ADAMTSL4: variants seen among roughly 807,000 people sequenced by gnomAD.
The protein encoded by ADAMTSL4 is ADAMTS-like protein 4.
A neutral mutation model predicts 122.8 loss-of-function variants in ADAMTSL4; 97 were observed. That is an observed-to-expected ratio of 0.79 (90% CI 0.67 to 0.93). ADAMTSL4 has a LOEUF of 0.93. ADAMTSL4 is among the 40% of genes least tolerant of loss of function. ADAMTSL4 has a pLI of 0.00. For synonymous variants in ADAMTSL4, 592 were observed against 568.0 expected, an observed-to-expected ratio of 1.04 and a Z score of -0.60; for missense variants, 1,408 against 1,453.5, an observed-to-expected ratio of 0.97 and a Z score of 0.51.
intron 8 of ADAMTSL4, chr1:150,555,870 T>C (rs1672048631): frequency 3.4e-6 from 2 of 595,906 alleles, no homozygotes; most frequent in South Asian, 1.9e-5. Context: ...CATGAACACA[T>C]GCACACATGC....
chr1:150,558,764 T>A, intron 15 of ADAMTSL4, 115 bp downstream of exon 15: 1 of 1,578,536 alleles, frequency 6.3e-7, no homozygotes, highest in African/African-American at 1.3e-5. Flanking sequence ...GCTATATGCC[T>A]GACCCTGGGA....
Position 150,554,603 on chromosome 1 carries a change from C to T in ADAMTSL4, c.1234+136C>T, listed in dbSNP as rs948194489. The T allele has an allele frequency of 2.6e-6, 4 of 1,548,982 alleles. No individual in the cohort carries two copies. The highest frequency in any genetic ancestry group is 2.7e-5 in the African/African-American group (2 of 73,028). ...CCCTGCGCCATGCCTTCTTTCTTCTCCCTGGGGCTGGGTCAGGAGACAGCA... is the reference window on the plus strand; with the variant it reads ...CCCTGCGCCATGCCTTCTTTCTTCTTCCTGGGGCTGGGTCAGGAGACAGCA... On this transcript the variant is annotated intron_variant, in intron 7 of 18. Coordinates refer to ENST00000271643, the MANE Select transcript of ADAMTSL4 (RefSeq NM_019032.6). This position sits in a 1 kb window ranked among gnomAD's most constrained non-coding sequence, Gnocchi z 4.0.
rs781562228 is a variant in ADAMTSL4, at chr1:150,552,913, T to C, written c.94T>C (p.Ser32Pro). ...CTCTATATAGGTGTTGTCCGGACAC[T>C]CTCTTCAGACACCTACAGAGGAGGG... is the stretch of plus-strand genomic sequence containing the variant. Reference protein sequence around the residue: ...CLDQEVLSGHSLQTPTEEGQG... With the variant: ...CLDQEVLSGHPLQTPTEEGQG... The change falls in exon 5 of 19, where the codon TCT becomes CCT. Residue 32 changes from serine (S) to proline (P), a missense_variant. Physicochemically the swap from Ser to Pro is moderately conservative, Grantham distance 74. Coordinates refer to ENST00000271643, the MANE Select transcript of ADAMTSL4 (RefSeq NM_019032.6). The surrounding 1 kb of genome is among the most constrained non-coding windows in gnomAD (Gnocchi z 4.0). 6.2e-7 allele frequency: 1 copy of C among 1,612,660 alleles called. No homozygotes were observed. The highest frequency in any genetic ancestry group is 1.3e-5 in the African/African-American group (1 of 74,848).
At position 150,552,368 on chromosome 1, in the gene ADAMTSL4, T is replaced by A; in HGVS notation, c.20+60T>A. The A allele has an allele frequency of 5.8e-6, 9 of 1,541,942 alleles. No individual in the cohort carries two copies. The highest frequency in any genetic ancestry group is 7.0e-6 in the Non-Finnish European group (8 of 1,136,458). ...AAGGGGAGGTGCTGGGATGGCTCTG[T>A]GTCTGGAAGTGAGGGAAAGGGGACC... is the stretch of plus-strand genomic sequence containing the variant. On this transcript the variant is annotated intron_variant, in intron 3 of 18. Transcript: ENST00000271643. This position sits in a 1 kb window ranked among gnomAD's most constrained non-coding sequence, Gnocchi z 4.0.
At position 150,552,106 on chromosome 1, in the gene ADAMTSL4, G is replaced by C. The variant is rs1570918686; in HGVS notation, c.-84-99G>C. On this transcript the variant is annotated intron_variant, in intron 2 of 18. Transcript: ENST00000271643. The surrounding 1 kb of genome is among the most constrained non-coding windows in gnomAD (Gnocchi z 4.0). ...CCACCCTGAGGATCCTAAAGGGATGGACCAGTTTCACCCCCTCCTCCATAT... is the reference window on the plus strand; with the variant it reads ...CCACCCTGAGGATCCTAAAGGGATGCACCAGTTTCACCCCCTCCTCCATAT... 20 of 638,862 alleles carry C rather than the reference G, an allele frequency of 3.1e-5. No individual in the cohort carries two copies. In the East Asian group the frequency reaches 5.5e-4, roughly 18 times the overall value. The allele number at this position is 638,862 out of a possible 1,614,324, so 39.6% of individuals were successfully genotyped here.
chr1:150,556,223 G>A lies in ADAMTSL4; in HGVS notation c.1433G>A (p.Gly478Glu). ...GRRPDGCGVC[G>E]GDDSTCRLVS... ...CGTCCTGATGGCTGTGGAGTCTGTG[G>A]GGGTGATGATTCTACCTGTCGCCTT... The change falls in exon 9 of 19, where the codon GGG (glycine) becomes GAG (glutamate). Residue 478 changes from glycine (G) to glutamate (E), a missense_variant. By Grantham distance (98) the Gly-to-Glu change is moderately conservative. Transcript: ENST00000271643. This position sits in a 1 kb window ranked among gnomAD's most constrained non-coding sequence, Gnocchi z 4.1. 1.2e-6 allele frequency: 2 copies of A among 1,614,202 alleles called. No individual in the cohort carries two copies. The highest frequency in any genetic ancestry group is 1.7e-6 in the Non-Finnish European group (2 of 1,180,038).
rs776921671 is a variant in ADAMTSL4 at position 150,552,430 on chromosome 1, C to T, written c.21-113C>T. 1.2e-5 allele frequency: 18 copies of T among 1,558,718 alleles called. No homozygotes were observed. Among genetic ancestry groups the T allele is most frequent in the Non-Finnish European group, 1.6e-5 (18 of 1,136,690 alleles). ...CAGGGGAAGTGATGAGTAACTTCTGCTTTCTGAGAAGTTGGTAGTCAGGAT... is the reference window on the plus strand; with the variant it reads ...CAGGGGAAGTGATGAGTAACTTCTGTTTTCTGAGAAGTTGGTAGTCAGGAT... On this transcript the variant is annotated intron_variant, in intron 3 of 18. Coordinates refer to ENST00000271643, the MANE Select transcript of ADAMTSL4 (RefSeq NM_019032.6). The surrounding 1 kb of genome is among the most constrained non-coding windows in gnomAD (Gnocchi z 4.0).
Position 150,554,088 on chromosome 1 carries a change from G to T in ADAMTSL4, c.1097G>T (p.Gly366Val). 1 of 1,601,688 alleles carries T rather than the reference G, an allele frequency of 6.2e-7. No individual in the cohort carries two copies. Residue 366 changes from glycine (G) to valine (V), a missense_variant, in exon 6 of 19, where the codon GGG becomes GTG. Gly to Val is a moderately radical substitution (Grantham distance 109). Coordinates refer to ENST00000271643, the MANE Select transcript of ADAMTSL4 (RefSeq NM_019032.6). The surrounding 1 kb of genome is among the most constrained non-coding windows in gnomAD (Gnocchi z 4.0). ...AGTAGCCCTATTCCAAGATGTTCTG[G>T]GGAGAGTGAACAGCTAAGAGCCTGC... ...APSSPIPRCS[G>V]ESEQLRACSQ...
Position 150,555,483 on chromosome 1 carries a change from A to G in ADAMTSL4, c.1289A>G (p.Tyr430Cys), listed in dbSNP as rs928104756. ...LNCRPRGFRF[Y>C]VRHTEKVQDG... ...TGCCGGCCCCGTGGCTTCCGCTTCT[A>G]TGTCCGTCACACTGAAAAGGTCCAG... is the stretch of plus-strand genomic sequence containing the variant. The change falls in exon 8 of 19, where the codon TAT becomes TGT. Residue 430 changes from tyrosine to cysteine, a missense_variant. Coordinates refer to ENST00000271643, the MANE Select transcript of ADAMTSL4 (RefSeq NM_019032.6). 4.3e-6 allele frequency: 7 copies of G among 1,614,106 alleles called. No individual in the cohort carries two copies. Among genetic ancestry groups the G allele is most frequent in the Non-Finnish European group, 4.2e-6 (5 of 1,180,004 alleles).
intron 8 of ADAMTSL4, chr1:150,555,828 C>G: frequency 3.2e-6 from 2 of 617,778 alleles, no homozygotes; most frequent in South Asian, 3.7e-5. Flanking sequence ...CACACGTATG[C>G]AGACACATGC....
At position 150,558,032 on chromosome 1, in the gene ADAMTSL4, G is replaced by C. The variant is rs780658812; in HGVS notation, c.2265G>C (p.Gly755=). ...HRQLQCRQEF[G]GGGSSVPPER... is the part of the protein sequence containing the mutation. Reference sequence around the variant, plus strand: ...AGCTGCAGTGCCGGCAGGAATTTGGGGGGGGTGGCTCCTCGGTGCCCCCGG... The same window carrying C: ...AGCTGCAGTGCCGGCAGGAATTTGGCGGGGGTGGCTCCTCGGTGCCCCCGG... The change falls in exon 14 of 19, where the codon GGG becomes GGC. Residue 755 remains glycine, a synonymous_variant. Coordinates refer to ENST00000271643, the MANE Select transcript of ADAMTSL4 (RefSeq NM_019032.6). The C allele has an allele frequency of 6.2e-6, 10 of 1,612,740 alleles. No individual in the cohort carries two copies. The highest frequency in any genetic ancestry group is 2.2e-5 in the South Asian group (2 of 91,076).
Position 150,558,996 on chromosome 1 carries a change from G to A in ADAMTSL4, c.2594G>A (p.Arg865His), listed in dbSNP as rs781691587. ...SAECGTGIQR[R>H]SVVCLGSGAA... ...GAGTGTGGGACGGGAATCCAGCGGCGCTCTGTGGTCTGCCTTGGGAGTGGG... is the reference window on the plus strand; with the variant it reads ...GAGTGTGGGACGGGAATCCAGCGGCACTCTGTGGTCTGCCTTGGGAGTGGG... The change falls in exon 16 of 19, where the codon CGC becomes CAC. Residue 865 changes from arginine (R) to histidine (H), a missense_variant. Physicochemically the swap from Arg to His is conservative, Grantham distance 29. Coordinates refer to ENST00000271643, the MANE Select transcript of ADAMTSL4 (RefSeq NM_019032.6). 1.2e-4 allele frequency: 188 copies of A among 1,611,040 alleles called. No homozygotes were observed. Among genetic ancestry groups the A allele is most frequent in the Admixed American group, 3.2e-4 (19 of 59,788 alleles).
intron 13 of ADAMTSL4, 38 bp from the exon 14 acceptor site, chr1:150,557,907 A>G: frequency 6.3e-7 from 1 of 1,588,104 alleles, no homozygotes; most frequent in South Asian, 1.1e-5. Flanking sequence ...CATCTCATCT[A>G]TGTCTCCGCC....
At position 150,559,114 on chromosome 1, in the gene ADAMTSL4, C is replaced by G; in HGVS notation, c.2712C>G (p.Ser904Arg). The change falls in exon 16 of 19, where the codon AGC becomes AGG. Residue 904 changes from serine (S) to arginine (R), a missense_variant. By Grantham distance (110) the Ser-to-Arg change is moderately radical. Transcript: ENST00000271643. This position sits in a 1 kb window ranked among gnomAD's most constrained non-coding sequence, Gnocchi z 4.1. ...GGCCCCCTGACATGCGCGCCTGCAG[C>G]CTGGGGCCCTGTGAGAGAACTTGGC... ...GSRPPDMRAC[S>R]LGPCERTWRW... 1 of 1,612,910 alleles carries G rather than the reference C, an allele frequency of 6.2e-7. No homozygotes were observed. The highest frequency in any genetic ancestry group is 8.5e-7 in the Non-Finnish European group (1 of 1,179,924).
Position 150,552,807 on chromosome 1 carries a change from G to T in ADAMTSL4, c.79-91G>T, listed in dbSNP as rs371107461. On this transcript the variant is annotated intron_variant, in intron 4 of 18. Transcript: ENST00000271643. The surrounding 1 kb of genome is among the most constrained non-coding windows in gnomAD (Gnocchi z 4.0). ...CTGAATGTGACCTTGGACTGGTAGC[G>T]ACTCCGTGAGCCTCAGTGTTGGTCT... 4 of 1,412,410 alleles carry T rather than the reference G, an allele frequency of 2.8e-6. No individual in the cohort carries two copies. Among genetic ancestry groups the T allele is most frequent in the Admixed American group, 1.7e-5 (1 of 59,528 alleles). 87.5% of individuals were successfully genotyped at this position (1,412,410 alleles called of 1,614,324 possible).
At position 150,558,590 on chromosome 1, in the gene ADAMTSL4, G is replaced by A. The variant is rs776379211; in HGVS notation, c.2500G>A (p.Glu834Lys). ...ASGPPQPPSR[E>K]ACDMGPCTTA... ...AGGCCCCCCGCAGCCCCCCAGCAGAGAGGCCTGTGACATGGGGCCCTGTAC... is the reference window on the plus strand; with the variant it reads ...AGGCCCCCCGCAGCCCCCCAGCAGAAAGGCCTGTGACATGGGGCCCTGTAC... Residue 834 changes from glutamate to lysine, a missense_variant, in exon 15 of 19, where the codon GAG becomes AAG. By Grantham distance (56) the Glu-to-Lys change is moderately conservative. Transcript: ENST00000271643. The A allele has an allele frequency of 1.4e-5, 22 of 1,613,758 alleles. No homozygotes were observed. Among genetic ancestry groups the A allele is most frequent in the Non-Finnish European group, 1.9e-5 (22 of 1,179,932 alleles).
Position 150,553,716 on chromosome 1 carries a change from C to A in ADAMTSL4, c.725C>A (p.Pro242His). 6.2e-7 allele frequency: 1 copy of A among 1,613,426 alleles called. No individual in the cohort carries two copies. Among genetic ancestry groups the A allele is most frequent in the Non-Finnish European group, 8.5e-7 (1 of 1,179,736 alleles). Residue 242 changes from proline (P) to histidine (H), a missense_variant, in exon 6 of 19, where the codon CCC (proline) becomes CAC (histidine). Physicochemically the swap from Pro to His is moderately conservative, Grantham distance 77. Transcript: ENST00000271643. The stretch of plus-strand genomic sequence containing the variant: ...GAAACTGCTCAGACAGAGGTGGCCC[C>A]CAGAACCAGGCCTGCCCCCCTACGG... Reference protein sequence around the residue: ...SPETAQTEVAPRTRPAPLRHH... With the variant: ...SPETAQTEVAHRTRPAPLRHH...
chr1:150,559,933 A>G lies in ADAMTSL4; in HGVS notation c.3088+28A>G, dbSNP rs946504861. Reference sequence around the variant, plus strand: ...AAAGAGCCCCCTCTCCCCAATCCCCAATACAGTGGATTAGCTGAAGTATGG... The same window carrying G: ...AAAGAGCCCCCTCTCCCCAATCCCCGATACAGTGGATTAGCTGAAGTATGG... On this transcript the variant is annotated intron_variant, in intron 18 of 18. Transcript: ENST00000271643. This position sits in a 1 kb window ranked among gnomAD's most constrained non-coding sequence, Gnocchi z 4.1. 1.3e-5 allele frequency: 21 copies of G among 1,613,592 alleles called. No homozygotes were observed. Among genetic ancestry groups the G allele is most frequent in the African/African-American group, 5.3e-5 (4 of 74,888 alleles).
At chr1:150,550,366 C>T in intron 2 of ADAMTSL4, 3 of 451,090 alleles carry the variant, frequency 6.7e-6, no homozygotes, top group Admixed American at 4.7e-5. Flanking sequence ...TGGGACTTTT[C>T]CAGAGAGGGA....
Sources: gnomAD v4.1 joint callset for allele counts on GRCh38, gnomAD v4.1.1 for gene constraint, Gnocchi (gnomAD v3.1) non-coding constraint, MANE v1.5 for transcripts, NCBI Gene and HGNC (gene_info 2026-07-23, HGNC 2026-07-21) for gene names.